RAD54B: variants seen among roughly 807,000 people sequenced by gnomAD.
RAD54B encodes DNA repair and recombination protein RAD54B.
RAD54B carries 78 observed loss-of-function variants against 95.8 expected under a neutral mutation model. The ratio of observed to expected loss-of-function variants is 0.81; its 90% CI spans 0.68 to 0.98. The LOEUF (loss-of-function observed/expected upper bound fraction) is 0.98. RAD54B is among the 50% of genes least tolerant of loss of function. RAD54B has a pLI of 0.00. For synonymous variants in RAD54B, 328 were observed against 354.9 expected (o/e 0.92, Z 0.85); for missense variants, 957 against 1,056.6 (o/e 0.91, Z 1.31).
intron 3 of RAD54B, among the ~76,000 whole-genome samples, chr8:94,417,906 T>C (rs553988023): frequency 5.9e-5 from 9 of 152,314 alleles, no homozygotes; most frequent in African/African-American, 1.9e-4. Flanking sequence ...AAATGATTCA[T>C]ACCCAGCTTG....
intron 3 of RAD54B, among the ~76,000 whole-genome samples, chr8:94,422,651 T>TATATATATATAAAA (rs556821145): frequency 7.8e-4 from 69 of 88,894 alleles, no homozygotes; most frequent in Non-Finnish European, 1.1e-3. Flanking sequence ...TATATATATA[T>TATATATATATAAAA]ATAAAATTAT....
intron 3 of RAD54B, among the ~76,000 whole-genome samples, chr8:94,415,049 G>T (rs1168942087): frequency 6.6e-6 from 1 of 151,512 alleles, no homozygotes; most frequent in African/African-American, 2.4e-5. Flanking sequence ...AAAAGAGCCC[G>T]CATTGCCAAG....
intron 4 of RAD54B, among the ~76,000 whole-genome samples, chr8:94,410,877 C>T (rs936717927): frequency 2.6e-5 from 4 of 152,020 alleles, no homozygotes; most frequent in African/African-American, 9.7e-5. Flanking sequence ...GCTGGCTGGC[C>T]ATTTTTGGAG....
intron 6 of RAD54B, among the ~76,000 whole-genome samples, chr8:94,401,089 G>A (rs1811255848): frequency 6.6e-6 from 1 of 152,064 alleles, no homozygotes; most frequent in Non-Finnish European, 1.5e-5. Flanking sequence ...TATTTTTAAA[G>A]ACCTTAGAAG....
chr8:94,439,026 A>C (rs887110632), intron 3 of RAD54B, among the ~76,000 whole-genome samples: 7 of 152,120 alleles, frequency 4.6e-5, no homozygotes, highest in African/African-American at 1.7e-4. Context: ...CAAGAGGTTG[A>C]GGCTGCACTA....
At chr8:94,413,115 A>G (rs183211992) in intron 3 of RAD54B, among the ~76,000 whole-genome samples, 3 of 152,328 alleles carry the variant, frequency 2.0e-5, no homozygotes, top group East Asian at 3.9e-4. Context: ...GGAACATTCA[A>G]TTTTGTTAAG....
In RAD54B at chr8:94,449,190, C is replaced by A. The variant is rs79088342; in HGVS notation, c.304+9078G>T. On this transcript the variant is annotated intron_variant, in intron 3 of 14. Coordinates refer to ENST00000336148, the MANE Select transcript of RAD54B (RefSeq NM_012415.3). The stretch of plus-strand genomic sequence containing the variant: ...AGGTCTTATACCACACCCTTCCCCC[C>A]CGCCCCCCACCACACACACACACAG... Among the ~76,000 whole-genome samples, 990 of 151,402 alleles carry A rather than the reference C, an allele frequency of 6.5e-3. 17 individuals carry two copies. Among genetic ancestry groups the A allele is most frequent in the African/African-American group, 0.023 (943 of 41,162 alleles).
intron 9 of RAD54B, among the ~76,000 whole-genome samples, chr8:94,393,246 G>A (rs1811064669): frequency 6.6e-6 from 1 of 152,048 alleles, no homozygotes; most frequent in Admixed American, 6.6e-5. Flanking sequence ...CCCAAGTTGT[G>A]CCAACGTACA....
At chr8:94,398,037 T>C (rs901729931) in intron 8 of RAD54B, among the ~76,000 whole-genome samples, 1 of 152,132 alleles carries the variant, frequency 6.6e-6, no homozygotes, top group South Asian at 2.1e-4. Flanking sequence ...GTATGGTTCC[T>C]ATTTCCCTGA....
At chr8:94,390,218 G>A (rs2129981474) in intron 10 of RAD54B, among the ~76,000 whole-genome samples, 1 of 151,640 alleles carries the variant, frequency 6.6e-6, no homozygotes, top group East Asian at 1.9e-4. Context: ...AAATAAAAAG[G>A]GCCAGGTGCG....
Position 94,407,566 on chromosome 8 carries a change from C to T in RAD54B, c.654G>A (p.Ser218=), listed in dbSNP as rs113276250. 4.6e-4 allele frequency: 742 copies of T among 1,613,944 alleles called. 4 individuals are homozygous for T. In the African/African-American group the frequency reaches 8.0e-3, roughly 17 times the overall value. The part of the protein sequence containing the change: ...FQLGGGSTAI[S]HSSQVARKCF... ...ATTTCCTGGCAACCTGAGAAGAATGCGAGATAGCAGTACTTCCTCCTCCAA... is the reference window on the plus strand; with the variant it reads ...ATTTCCTGGCAACCTGAGAAGAATGTGAGATAGCAGTACTTCCTCCTCCAA... Residue 218 remains serine, a synonymous_variant, in exon 5 of 15, where the codon TCG becomes TCA. Transcript: ENST00000336148.
chr8:94,449,052 A>ACACG (rs1167476665), intron 3 of RAD54B, among the ~76,000 whole-genome samples: 1 of 151,776 alleles, frequency 6.6e-6, no homozygotes. Context: ...ATGCATGCAC[A>ACACG]CACACACACA....
At chr8:94,420,944 C>G (rs961535242) in intron 3 of RAD54B, among the ~76,000 whole-genome samples, 18 of 151,202 alleles carry the variant, frequency 1.2e-4, no homozygotes, top group Middle Eastern at 3.4e-3. Context: ...GAGATCACAC[C>G]GCTGCACTCC....
At chr8:94,430,353 T>A in intron 3 of RAD54B, 1 of 983,540 alleles carries the variant, frequency 1.0e-6, no homozygotes. Flanking sequence ...CATAATCTGG[T>A]ATCAACCATC....
At chr8:94,456,625 G>C (rs1393808504) in intron 3 of RAD54B, among the ~76,000 whole-genome samples, 2 of 152,110 alleles carry the variant, frequency 1.3e-5, no homozygotes, top group Non-Finnish European at 2.9e-5. Context: ...GAGTTTGTAG[G>C]CATATTTCAA....
intron 12 of RAD54B, among the ~76,000 whole-genome samples, chr8:94,379,652 G>A (rs972069541): frequency 2.6e-5 from 4 of 152,186 alleles, no homozygotes; most frequent in African/African-American, 9.7e-5. Flanking sequence ...CAACTGAGGT[G>A]CAAACCTACA....
chr8:94,409,949 AC>A (rs1811486129), intron 4 of RAD54B, among the ~76,000 whole-genome samples: 1 of 152,182 alleles, frequency 6.6e-6, no homozygotes, highest in Non-Finnish European at 1.5e-5. Flanking sequence ...TAGAATGTGT[AC>A]TATCTATTTT....
At chr8:94,457,648 G>C (rs762795768) in intron 3 of RAD54B, among the ~76,000 whole-genome samples, 23 of 152,150 alleles carry the variant, frequency 1.5e-4, no homozygotes, top group Non-Finnish European at 3.1e-4. Context: ...ACCAAAACAT[G>C]AATAAAATGT....
intron 2 of RAD54B, among the ~76,000 whole-genome samples, chr8:94,466,553 G>A (rs996558744): frequency 2.6e-5 from 4 of 151,896 alleles, no homozygotes; most frequent in Non-Finnish European, 2.9e-5. Context: ...GATTATAGGC[G>A]CGTGCCACCA....
Sources: allele counts gnomAD v4.1 joint callset (sites outside exome capture counted in the v4.1 genomes callset), GRCh38; gene constraint gnomAD v4.1.1; transcripts MANE v1.5; gene names NCBI Gene and HGNC (gene_info 2026-07-23, HGNC 2026-07-21).